PXDNL: variants seen among roughly 807,000 people sequenced by gnomAD.
PXDNL encodes the protein probable oxidoreductase PXDNL.
In PXDNL, 145 loss-of-function variants were observed where a neutral mutation model predicts 150.8. That is an observed-to-expected ratio of 0.96 (90% CI 0.84 to 1.10). PXDNL has a LOEUF of 1.10. PXDNL is among the 50% of genes least tolerant of loss of function. The pLI, the probability that PXDNL is intolerant of heterozygous loss-of-function variation, is 0.00. For synonymous variants in PXDNL, 757 were observed against 725.7 expected, an observed-to-expected ratio of 1.04 and a Z score of -0.69; for missense variants, 2,087 against 1,873.9, an observed-to-expected ratio of 1.11 and a Z score of -2.10.
intron 1 of PXDNL, among the ~76,000 whole-genome samples, chr8:51,686,229 G>A (rs1815868422): frequency 6.6e-6 from 1 of 152,152 alleles, no homozygotes; most frequent in Non-Finnish European, 1.5e-5. Context: ...CAGTCCTCTA[G>A]AACTCTCTTG....
At chr8:51,368,306 A>G (rs928663305) in intron 19 of PXDNL, among the ~76,000 whole-genome samples, 3 of 152,238 alleles carry the variant, frequency 2.0e-5, no homozygotes, top group African/African-American at 7.2e-5. Context: ...TCCATTATTT[A>G]GATCTCATGC....
Position 51,408,050 on chromosome 8 carries a change from A to G in PXDNL, c.3557+17T>C, listed in dbSNP as rs1228992228. 8 of 1,576,866 alleles carry G rather than the reference A, an allele frequency of 5.1e-6. No individual in the cohort carries two copies. The highest frequency in any genetic ancestry group is 6.9e-6 in the Non-Finnish European group (8 of 1,163,860). Reference sequence around the variant, plus strand: ...TCCTAAGAAATGTTTAAATCCAGGCAGCATTTGCATACTTACTTTCTCAGT... The same window carrying G: ...TCCTAAGAAATGTTTAAATCCAGGCGGCATTTGCATACTTACTTTCTCAGT... On this transcript the variant is annotated intron_variant, in intron 17 of 22. Transcript: ENST00000356297.
In PXDNL at chr8:51,584,236, T is replaced by C. The variant is rs149582905; in HGVS notation, c.308+8391A>G. Among the ~76,000 whole-genome samples, 880 of 152,292 alleles carry C rather than the reference T, an allele frequency of 5.8e-3. 10 individuals are homozygous for C. The highest frequency in any genetic ancestry group is 0.019 in the African/African-American group (790 of 41,554). On this transcript the variant is annotated intron_variant, in intron 3 of 22. Coordinates refer to ENST00000356297, the MANE Select transcript of PXDNL (RefSeq NM_144651.5). ...TAGATGATGCTAATGCTTGTTCTCA[T>C]TGAGTTATGATCATTTGATGCAGCT...
intron 3 of PXDNL, among the ~76,000 whole-genome samples, chr8:51,582,998 T>C (rs1366673822): frequency 6.6e-6 from 1 of 152,194 alleles, no homozygotes; most frequent in Non-Finnish European, 1.5e-5. Context: ...GGAAATACCA[T>C]CTAGCACTAA....
chr8:51,619,375 G>C (rs921953244), intron 2 of PXDNL, among the ~76,000 whole-genome samples: 9 of 152,164 alleles, frequency 5.9e-5, no homozygotes, highest in African/African-American at 2.2e-4. Flanking sequence ...TCACACCCTG[G>C]AGAAAGGAAC....
In PXDNL at chr8:51,757,056, G is replaced by A. The variant is rs1220486618; in HGVS notation, c.164+52125C>T. Among the ~76,000 whole-genome samples the A allele has an allele frequency of 2.0e-5, 3 of 152,180 alleles. No individual in the cohort carries two copies. The South Asian group carries it at 6.2e-4, about 32-fold the overall frequency. On this transcript the variant is annotated intron_variant, in intron 1 of 22. Transcript: ENST00000356297. ...TCATAATTTTTCAGTTCTAGTCATTGTATCAGGTATACTTTTCTCTGATAG... is the reference window on the plus strand; with the variant it reads ...TCATAATTTTTCAGTTCTAGTCATTATATCAGGTATACTTTTCTCTGATAG...
At chr8:51,457,817 T>C (rs1014501024) in intron 8 of PXDNL, 150 bp from the exon 9 acceptor site, 7 of 557,420 alleles carry the variant, frequency 1.3e-5, no homozygotes, top group Non-Finnish European at 2.1e-5. Context: ...ATTATTTCAC[T>C]TTAAATCCTA....
chr8:51,428,079 C>T (rs532313291), intron 12 of PXDNL, among the ~76,000 whole-genome samples: 27 of 152,144 alleles, frequency 1.8e-4, no homozygotes, highest in East Asian at 5.8e-4. Context: ...ATGCAATCAA[C>T]GAACATATGG....
At chr8:51,334,478 A>G (rs1184203543) in intron 21 of PXDNL, among the ~76,000 whole-genome samples, 1 of 152,160 alleles carries the variant, frequency 6.6e-6, no homozygotes, top group African/African-American at 2.4e-5. Flanking sequence ...ATCAGAGCAG[A>G]ACTAAACAAA....
chr8:51,489,063 C>A (rs1810834321), intron 5 of PXDNL, among the ~76,000 whole-genome samples: 3 of 151,904 alleles, frequency 2.0e-5, no homozygotes, highest in Non-Finnish European at 2.9e-5. Context: ...TAAAACATAC[C>A]AGGTTAGGAA....
chr8:51,371,019 A>G (rs1807096855), intron 19 of PXDNL, among the ~76,000 whole-genome samples: 1 of 152,194 alleles, frequency 6.6e-6, no homozygotes, highest in Admixed American at 6.5e-5. Flanking sequence ...TCCCAGGCCC[A>G]TGGCCACTAC....
At position 51,702,832 on chromosome 8, in the gene PXDNL, C is replaced by T. The variant is rs1430280152; in HGVS notation, c.165-48072G>A. On this transcript the variant is annotated intron_variant, in intron 1 of 22. Coordinates refer to ENST00000356297, the MANE Select transcript of PXDNL (RefSeq NM_144651.5). ...TCAGTTGTTGTCAAATGTATCCAAT[C>T]AATCCAGAAATATATTGAAACGCAG... 3.9e-5 allele frequency among the ~76,000 whole-genome samples: 6 copies of T among 152,234 alleles called. No homozygotes were observed. In the South Asian group the frequency reaches 1.2e-3, roughly 32 times the overall value.
chr8:51,442,418 A>G (rs1376328468), intron 12 of PXDNL, among the ~76,000 whole-genome samples: 2 of 151,742 alleles, frequency 1.3e-5, no homozygotes, highest in South Asian at 2.1e-4. Context: ...CAGTGATGAC[A>G]GTAGAAATCT....
chr8:51,454,957 A>AGTATAGGG lies in PXDNL; in HGVS notation c.983-1173_983-1172insCCCTATAC, dbSNP rs370863538. Among the ~76,000 whole-genome samples the AGTATAGGG allele has an allele frequency of 2.2e-3, 306 of 142,262 alleles. 15 individuals are homozygous for AGTATAGGG. Among genetic ancestry groups the AGTATAGGG allele is most frequent in the African/African-American group, 4.1e-3 (142 of 34,496 alleles). The allele number at this position is 142,262 out of a possible 152,430, so 93.3% of individuals were successfully genotyped here. On this transcript the variant is annotated intron_variant, in intron 9 of 22. Transcript: ENST00000356297. ...AACATTCTGGCAAGAGGTAAGGGAA[A>AGTATAGGG]AATTAGCCGGGCGCGGTGGCGGGCG...
In PXDNL at chr8:51,641,343, A is replaced by C. The variant is rs1814749874; in HGVS notation, c.236+13346T>G. Reference sequence around the variant, plus strand: ...CAAAGGCAATGGCAACAAAAGCCAAAATTGACAAATGGGATCTAATTAAAC... The same window carrying C: ...CAAAGGCAATGGCAACAAAAGCCAACATTGACAAATGGGATCTAATTAAAC... On this transcript the variant is annotated intron_variant, in intron 2 of 22. Transcript: ENST00000356297. Among the ~76,000 whole-genome samples the C allele has an allele frequency of 2.7e-5, 4 of 150,274 alleles. No individual in the cohort carries two copies. The South Asian group carries it at 8.4e-4, about 32-fold the overall frequency.
At chr8:51,795,657 G>C (rs1027069684) in intron 1 of PXDNL, among the ~76,000 whole-genome samples, 18 of 152,148 alleles carry the variant, frequency 1.2e-4, no homozygotes, top group African/African-American at 4.3e-4. Flanking sequence ...GTGTTAAGAG[G>C]CAAATTTATA....
chr8:51,772,098 G>A (rs537902035), intron 1 of PXDNL, among the ~76,000 whole-genome samples: 25 of 152,046 alleles, frequency 1.6e-4, no homozygotes, highest in African/African-American at 3.9e-4. Context: ...TGCTCACCTC[G>A]TAGGTTACTC....
intron 1 of PXDNL, among the ~76,000 whole-genome samples, chr8:51,710,954 GAAC>G (rs1816484721): frequency 1.3e-5 from 2 of 152,050 alleles, no homozygotes; most frequent in African/African-American, 4.8e-5. Flanking sequence ...CTAACATCAA[GAAC>G]AAGATAAGAA....
intron 17 of PXDNL, among the ~76,000 whole-genome samples, chr8:51,392,296 G>T (rs189756974): frequency 6.6e-6 from 1 of 152,172 alleles, no homozygotes; most frequent in South Asian, 2.1e-4. Context: ...GTAGCTTGAT[G>T]GGGATGGCGT....
Sources: allele counts gnomAD v4.1 joint callset (sites outside exome capture counted in the v4.1 genomes callset), GRCh38; gene constraint gnomAD v4.1.1; transcripts MANE v1.5; gene names NCBI Gene and HGNC (gene_info 2026-07-23, HGNC 2026-07-21).